The following SPAG16 variants were observed in gnomAD, a reference collection of about 807,000 sequenced individuals.
SPAG16 encodes sperm associated antigen 16.
In SPAG16, 86 loss-of-function variants were observed where a neutral mutation model predicts 80.4. The observed-to-expected ratio is 1.07, with a 90% CI of 0.90 to 1.28. The LOEUF (loss-of-function observed/expected upper bound fraction) is 1.28. Ranked by LOEUF, SPAG16 falls within the 50% of genes most tolerant of loss-of-function variation. The pLI, the probability that SPAG16 is intolerant of heterozygous loss-of-function variation, is 0.00. For missense variants in SPAG16, 870 were observed against 765.3 expected, an observed-to-expected ratio of 1.14 and a Z score of -1.61; for synonymous variants, 294 against 265.9, an observed-to-expected ratio of 1.11 and a Z score of -1.03.
chr2:213,865,116 G>T (rs1484411080), intron 11 of SPAG16, among the ~76,000 whole-genome samples: 1 of 152,128 alleles, frequency 6.6e-6, no homozygotes, highest in African/African-American at 2.4e-5. Context: ...GGAATTAGAA[G>T]AATTAACATG....
intron 10 of SPAG16, among the ~76,000 whole-genome samples, chr2:213,620,253 G>A (rs1310615353): frequency 7.0e-6 from 1 of 142,800 alleles, no homozygotes; most frequent in East Asian, 2.1e-4. Flanking sequence ...GCATTGCAGA[G>A]TAAATGTAGT....
intron 12 of SPAG16, among the ~76,000 whole-genome samples, chr2:213,975,303 A>G (rs1288093340): frequency 2.0e-5 from 3 of 151,340 alleles, no homozygotes; most frequent in Non-Finnish European, 4.4e-5. Context: ...GTGAAATGTT[A>G]GTATCAAAAT....
chr2:213,788,819 G>T (rs1364955224), intron 10 of SPAG16, among the ~76,000 whole-genome samples: 4 of 151,606 alleles, frequency 2.6e-5, no homozygotes. Context: ...GTTTTTGTTT[G>T]CTTGTTTTAT....
rs114747807 is a variant in SPAG16, at chr2:214,248,612, C to T, written c.1720+99346C>T. ...GATTACAGGTGTGAGCCACCATGCCCGGCCGTGCTAGGCACTATTCTAAGC... is the reference window on the plus strand; with the variant it reads ...GATTACAGGTGTGAGCCACCATGCCTGGCCGTGCTAGGCACTATTCTAAGC... On this transcript the variant is annotated intron_variant, in intron 15 of 15. Coordinates refer to ENST00000331683, the MANE Select transcript of SPAG16 (RefSeq NM_024532.5). Among the ~76,000 whole-genome samples the T allele has an allele frequency of 5.0e-3, 767 of 152,052 alleles. 5 individuals are homozygous for T. The highest frequency in any genetic ancestry group is 0.017 in the African/African-American group (722 of 41,482).
intron 10 of SPAG16, among the ~76,000 whole-genome samples, chr2:213,592,402 A>G (rs1013176883): frequency 6.6e-6 from 1 of 152,220 alleles, no homozygotes; most frequent in African/African-American, 2.4e-5. Flanking sequence ...AAGTCTACAT[A>G]CTAATATTCT....
At chr2:213,930,730 T>A (rs2078712102) in intron 12 of SPAG16, among the ~76,000 whole-genome samples, 1 of 152,222 alleles carries the variant, frequency 6.6e-6, no homozygotes, top group Non-Finnish European at 1.5e-5. Context: ...ATGTTTCAAA[T>A]ATTGAAATTA....
At chr2:213,978,952 G>A (rs1001036215) in intron 12 of SPAG16, among the ~76,000 whole-genome samples, 1 of 151,730 alleles carries the variant, frequency 6.6e-6, no homozygotes, top group Admixed American at 6.6e-5. Context: ...GGCTTTCCTC[G>A]GGAAGTAATA....
At chr2:213,721,567 A>G (rs896959674) in intron 10 of SPAG16, among the ~76,000 whole-genome samples, 1 of 152,242 alleles carries the variant, frequency 6.6e-6, no homozygotes, top group African/African-American at 2.4e-5. Context: ...ACTTAATCAT[A>G]TGATACCACT....
At chr2:213,723,778 C>T (rs2066630588) in intron 10 of SPAG16, among the ~76,000 whole-genome samples, 1 of 152,146 alleles carries the variant, frequency 6.6e-6, no homozygotes, top group Non-Finnish European at 1.5e-5. Context: ...GGGAGCTGTG[C>T]TTCAAAAATT....
intron 15 of SPAG16, among the ~76,000 whole-genome samples, chr2:214,400,217 T>C (rs921157414): frequency 6.6e-6 from 1 of 151,950 alleles, no homozygotes; most frequent in South Asian, 2.1e-4. Context: ...ACTTAATTTT[T>C]TTGATATATT....
At position 213,602,405 on chromosome 2, in the gene SPAG16, G is replaced by A. The variant is rs574398753; in HGVS notation, c.1070+112315G>A. On this transcript the variant is annotated intron_variant, in intron 10 of 15. Transcript: ENST00000331683. ...TCCCAGCCCGTTGGGAGGCTGAGGC[G>A]GGCAGATCACGAGGTCAAGAGATCA... 2.4e-4 allele frequency among the ~76,000 whole-genome samples: 36 copies of A among 152,126 alleles called. No homozygotes were observed. In the South Asian group the frequency reaches 6.0e-3, roughly 25 times the overall value.
At chr2:213,321,579 T>C (rs28718439) in intron 5 of SPAG16, among the ~76,000 whole-genome samples, 32,924 of 152,034 alleles carry the variant, frequency 0.22, 4,406 homozygotes, top group Non-Finnish European at 0.31. Flanking sequence ...AACGATGAAG[T>C]ATGAAGAAGG....
At chr2:214,168,050 G>A (rs377053454) in intron 15 of SPAG16, among the ~76,000 whole-genome samples, 1 of 147,292 alleles carries the variant, frequency 6.8e-6, no homozygotes, top group South Asian at 2.1e-4. Flanking sequence ...AAGTGCAGTG[G>A]TGCCATCTGA....
chr2:213,726,555 A>G (rs1184793337), intron 10 of SPAG16, among the ~76,000 whole-genome samples: 2 of 152,214 alleles, frequency 1.3e-5, no homozygotes, highest in Non-Finnish European at 2.9e-5. Context: ...TCAAATATTG[A>G]GCAACATGAA....
chr2:214,025,358 T>A (rs1368806804), intron 13 of SPAG16, among the ~76,000 whole-genome samples: 1 of 151,652 alleles, frequency 6.6e-6, no homozygotes, highest in Non-Finnish European at 1.5e-5. Context: ...GTATAGTGTT[T>A]ATTTGACCTA....
intron 9 of SPAG16, among the ~76,000 whole-genome samples, chr2:213,470,209 GGCCATT>G (rs1379133241): frequency 6.6e-6 from 1 of 152,186 alleles, no homozygotes; most frequent in Admixed American, 6.5e-5. Flanking sequence ...GACTTCAAAA[GGCCATT>G]GCACAGTTTT....
chr2:214,036,734 C>T (rs931081884), intron 13 of SPAG16, among the ~76,000 whole-genome samples: 34 of 152,128 alleles, frequency 2.2e-4, no homozygotes, highest in African/African-American at 7.7e-4. Context: ...TGTTACTAAC[C>T]TAGACATCTA....
At chr2:213,587,309 G>A (rs2060507785) in intron 10 of SPAG16, among the ~76,000 whole-genome samples, 1 of 152,164 alleles carries the variant, frequency 6.6e-6, no homozygotes, top group Non-Finnish European at 1.5e-5. Flanking sequence ...TCCTAGGTCA[G>A]ATGAGCTGGT....
chr2:214,173,221 A>G (rs545910412), intron 15 of SPAG16, among the ~76,000 whole-genome samples: 2 of 152,132 alleles, frequency 1.3e-5, no homozygotes, highest in Admixed American at 6.6e-5. Context: ...TAGGGTTTTT[A>G]TGGTTTTAGG....
Sources: allele counts gnomAD v4.1 joint callset (sites outside exome capture counted in the v4.1 genomes callset), GRCh38; gene constraint gnomAD v4.1.1; transcripts MANE v1.5; gene names NCBI Gene and HGNC (gene_info 2026-07-23, HGNC 2026-07-21).